PRR16: variants seen among roughly 807,000 people sequenced by gnomAD.
PRR16 encodes the protein proline rich 16, also known as protein Largen.
In PRR16, 6 loss-of-function variants were observed where a neutral mutation model predicts 18.2. That is an observed-to-expected ratio of 0.33 (90% CI 0.18 to 0.65). The LOEUF is 0.65. PRR16 is among the 30% of genes least tolerant of loss of function. The probability of loss-of-function intolerance (pLI) is 0.74; values close to 1 mark genes in which losing one functional copy is unlikely to be tolerated. For synonymous variants in PRR16, 151 were observed against 147.8 expected, an observed-to-expected ratio of 1.02 and a Z score of -0.16; for missense variants, 412 against 376.6, an observed-to-expected ratio of 1.09 and a Z score of -0.78.
At chr5:120,496,670 T>G (rs1750256782) in intron 1 of PRR16, among the ~76,000 whole-genome samples, 1 of 151,988 alleles carries the variant, frequency 6.6e-6, no homozygotes, top group Non-Finnish European at 1.5e-5. Context: ...ATATTTGATT[T>G]ATTTTGATTT....
chr5:120,626,475 A>C (rs1423719817), intron 1 of PRR16, among the ~76,000 whole-genome samples: 1 of 152,156 alleles, frequency 6.6e-6, no homozygotes, highest in Non-Finnish European at 1.5e-5. Flanking sequence ...ACTGCAAATG[A>C]GCATGAGGGA....
intron 1 of PRR16, among the ~76,000 whole-genome samples, chr5:120,552,495 CA>C (rs1453192275): frequency 6.6e-6 from 1 of 151,832 alleles, no homozygotes; most frequent in Non-Finnish European, 1.5e-5. Flanking sequence ...CCATTTATAT[CA>C]TTTTAAGATA....
chr5:120,725,204 G>A, the PRR16 span, among the ~76,000 whole-genome samples: 4 of 151,778 alleles, frequency 2.6e-5, no homozygotes, highest in East Asian at 1.9e-4. Context: ...TGAACTAGGA[G>A]TAGATAAGAG....
chr5:120,613,565 A>T (rs1270317540), intron 1 of PRR16, among the ~76,000 whole-genome samples: 4 of 152,092 alleles, frequency 2.6e-5, no homozygotes, highest in Non-Finnish European at 4.4e-5. Context: ...TTAGTATTTT[A>T]TTTAATTCAT....
intron 1 of PRR16, among the ~76,000 whole-genome samples, chr5:120,476,464 A>G (rs1222638487): frequency 6.6e-6 from 1 of 152,196 alleles, no homozygotes; most frequent in Non-Finnish European, 1.5e-5. Context: ...TTTAAGATCT[A>G]GTAATCTTTC....
chr5:120,609,777 T>C lies in PRR16; in HGVS notation c.160-76177T>C, dbSNP rs577581714. On this transcript the variant is annotated intron_variant, in intron 1 of 1. Transcript: ENST00000407149. ...TTACTGTCTGGAAATTGTTACTCCA[T>C]TTTCTTTCCCATTTCTCTGGACTGT... Among the ~76,000 whole-genome samples, 8 of 152,326 alleles carry C rather than the reference T, an allele frequency of 5.3e-5. No individual in the cohort carries two copies. The East Asian group carries it at 1.5e-3, about 29-fold the overall frequency.
rs368055557 is a variant in PRR16 at position 120,572,158 on chromosome 5, G to A, written c.159+107513G>A. Among the ~76,000 whole-genome samples, 14 of 152,268 alleles carry A rather than the reference G, an allele frequency of 9.2e-5. No individual in the cohort carries two copies. In the South Asian group the frequency reaches 1.7e-3, roughly 18 times the overall value. On this transcript the variant is annotated intron_variant, in intron 1 of 1. Coordinates refer to ENST00000407149, the MANE Select transcript of PRR16 (RefSeq NM_001300783.2). The stretch of plus-strand genomic sequence containing the variant: ...CAAAGGAGTCTCTCATATTGTATTG[G>A]TCAAAGGAGTCTCTCATATTGTATT...
At chr5:120,539,006 A>G (rs1442981175) in intron 1 of PRR16, among the ~76,000 whole-genome samples, 1 of 152,198 alleles carries the variant, frequency 6.6e-6, no homozygotes, top group Non-Finnish European at 1.5e-5. Context: ...AATTAGGAGC[A>G]GACGAGACCA....
At chr5:120,541,449 G>T (rs1049984033) in intron 1 of PRR16, among the ~76,000 whole-genome samples, 1 of 152,144 alleles carries the variant, frequency 6.6e-6, no homozygotes, top group Non-Finnish European at 1.5e-5. Context: ...CCCAGCCAAT[G>T]ACTGTTTTTT....
chr5:120,630,824 G>A (rs1313549286), intron 1 of PRR16, among the ~76,000 whole-genome samples: 2 of 152,044 alleles, frequency 1.3e-5, no homozygotes, highest in Non-Finnish European at 2.9e-5. Flanking sequence ...CAGCTCATTG[G>A]TTTGCACTAT....
the PRR16 span, among the ~76,000 whole-genome samples, chr5:120,742,062 C>T: frequency 6.6e-6 from 1 of 151,992 alleles, no homozygotes; most frequent in Admixed American, 6.6e-5. Flanking sequence ...TTGTTTGATA[C>T]ATCTTCATTT....
At chr5:120,539,625 C>A (rs1751843891) in intron 1 of PRR16, among the ~76,000 whole-genome samples, 1 of 151,764 alleles carries the variant, frequency 6.6e-6, no homozygotes, top group Non-Finnish European at 1.5e-5. Flanking sequence ...GCAATTTACC[C>A]ATGTAACAAA....
In PRR16 at chr5:120,686,931, T is replaced by C. The variant is rs1757146667; in HGVS notation, c.*222T>C. ...TTAAAAACCTCAGAATGATGAAAAA[T>C]ATGAATGATGCATTGTTTTTGCAAT... On this transcript the variant is annotated 3_prime_UTR_variant, in exon 2 of 2. Transcript: ENST00000407149. 2 of 361,746 alleles carry C rather than the reference T, an allele frequency of 5.5e-6. No homozygotes were observed. The highest frequency in any genetic ancestry group is 2.1e-5 in the African/African-American group (1 of 47,756). The allele number at this position is 361,746 out of a possible 1,614,324, so 22.4% of individuals were successfully genotyped here.
At chr5:120,591,168 A>C (rs1314674177) in intron 1 of PRR16, among the ~76,000 whole-genome samples, 2 of 151,654 alleles carry the variant, frequency 1.3e-5, no homozygotes, top group African/African-American at 2.4e-5. Context: ...AATCCCAGCT[A>C]CTCGGGAGGC....
At chr5:120,608,884 T>G (rs74717364) in intron 1 of PRR16, among the ~76,000 whole-genome samples, 8,957 of 152,198 alleles carry the variant, frequency 0.059, 339 homozygotes, top group South Asian at 0.089. Flanking sequence ...TTCATTTCCT[T>G]TATACTTCGG....
intron 1 of PRR16, among the ~76,000 whole-genome samples, chr5:120,492,137 G>A (rs1169344190): frequency 1.4e-3 from 1 of 724 alleles, no homozygotes; most frequent in Non-Finnish European, 3.0e-3. Flanking sequence ...ACCTAGGCTG[G>A]AGTGCAGTAG....
chr5:120,475,446 C>G (rs1749411119), intron 1 of PRR16, among the ~76,000 whole-genome samples: 1 of 151,872 alleles, frequency 6.6e-6, no homozygotes, highest in African/African-American at 2.4e-5. Context: ...GCTTCCTTAT[C>G]CTCTTCTTTG....
chr5:120,768,837 G>C, the PRR16 span, among the ~76,000 whole-genome samples: 2 of 151,670 alleles, frequency 1.3e-5, no homozygotes, highest in African/African-American at 4.8e-5. Context: ...CTTAGACATT[G>C]CCTACAGCTG....
At chr5:120,503,561 C>A (rs1251920608) in intron 1 of PRR16, among the ~76,000 whole-genome samples, 14 of 152,040 alleles carry the variant, frequency 9.2e-5, no homozygotes, top group Admixed American at 9.2e-4. Context: ...GAGCTGAGAA[C>A]ATTTGTTATC....
Sources: gnomAD v4.1 joint callset for allele counts (sites outside exome capture counted in the v4.1 genomes callset) on GRCh38, gnomAD v4.1.1 for gene constraint, MANE v1.5 for transcripts, NCBI Gene and HGNC (gene_info 2026-07-23, HGNC 2026-07-21) for gene names.